The following CTNNA2 variants were observed in gnomAD, a reference collection of about 807,000 sequenced individuals.
CTNNA2 encodes the protein catenin alpha-2.
In CTNNA2, 42 loss-of-function variants were observed where a neutral mutation model predicts 101.0. The observed-to-expected ratio is 0.42, with a 90% confidence interval of 0.32 to 0.54. The LOEUF is 0.54. Ranked by LOEUF, CTNNA2 falls within the 20% of genes least tolerant of loss-of-function variation. The probability of loss-of-function intolerance (pLI) is 0.14; values close to 1 mark genes in which losing one functional copy is unlikely to be tolerated. For synonymous variants in CTNNA2, 450 were observed against 456.4 expected (o/e 0.99, Z 0.18); for missense variants, 871 against 1,223.1 (o/e 0.71, Z 4.29).
chr2:79,201,943 C>T (rs1024004464), intron 2 of CTNNA2, among the ~76,000 whole-genome samples: 5 of 152,136 alleles, frequency 3.3e-5, no homozygotes, highest in Admixed American at 6.6e-5. Context: ...AGACATGAGA[C>T]ATCATTCCAT....
At chr2:79,548,036 C>T (rs1309874460) in intron 1 of CTNNA2, 3 of 152,210 alleles carry the variant, frequency 2.0e-5, no homozygotes, top group Admixed American at 2.0e-4. Flanking sequence ...AAGGGATGTA[C>T]TATAAGTAAG....
chr2:80,602,210 T>C (rs536149024), intron 15 of CTNNA2: 4 of 152,194 alleles, frequency 2.6e-5, no homozygotes, highest in African/African-American at 9.6e-5. Flanking sequence ...TTTCCTAACA[T>C]ACTAGTAAGT....
intron 7 of CTNNA2, among the ~76,000 whole-genome samples, chr2:80,369,843 T>G (rs901939458): frequency 2.0e-5 from 3 of 152,102 alleles, no homozygotes; most frequent in Non-Finnish European, 4.4e-5. Flanking sequence ...GTGGGCTGTT[T>G]CCAGAAGCAG....
At chr2:79,219,425 G>A (rs1674313194) in intron 2 of CTNNA2, among the ~76,000 whole-genome samples, 1 of 152,126 alleles carries the variant, frequency 6.6e-6, no homozygotes, top group South Asian at 2.1e-4. Flanking sequence ...TTGATATGTG[G>A]CTGGTGCAAC....
intron 18 of CTNNA2, among the ~76,000 whole-genome samples, chr2:80,634,535 G>T (rs1478855454): frequency 1.4e-5 from 2 of 146,548 alleles, no homozygotes; most frequent in Non-Finnish European, 3.0e-5. Context: ...CATTTTGATA[G>T]ATTTGGATTT....
At chr2:79,631,340 T>C (rs915352369) in intron 1 of CTNNA2, among the ~76,000 whole-genome samples, 4 of 152,200 alleles carry the variant, frequency 2.6e-5, no homozygotes, top group Admixed American at 2.0e-4. Context: ...AACTGAGGAA[T>C]ATTTTACACT....
chr2:79,628,638 C>A (rs1035192685), intron 1 of CTNNA2, among the ~76,000 whole-genome samples: 5 of 152,130 alleles, frequency 3.3e-5, no homozygotes, highest in Non-Finnish European at 7.3e-5. Flanking sequence ...ATGATTCCTG[C>A]TGATTTCTAA....
At chr2:79,204,787 G>A (rs1279892890) in intron 2 of CTNNA2, among the ~76,000 whole-genome samples, 2 of 152,188 alleles carry the variant, frequency 1.3e-5, no homozygotes, top group African/African-American at 2.4e-5. Context: ...CCAGAGAAAA[G>A]AAATGCTACG....
chr2:79,992,024 A>G (rs489974), intron 7 of CTNNA2, among the ~76,000 whole-genome samples: 142,487 of 152,272 alleles, frequency 0.94, 66,852 homozygotes, highest in African/African-American at 0.98. Flanking sequence ...CAATCTTGGT[A>G]TCAGTGACGG....
rs555604920 is a variant in CTNNA2 at position 79,460,666 on chromosome 2, C to G, written c.-134-44388C>G. Reference sequence around the variant, plus strand: ...CTACTCTCCTTATGTCTGGGCTTGGCCAGCACAACACCAGACTTTTAATGG... The same window carrying G: ...CTACTCTCCTTATGTCTGGGCTTGGGCAGCACAACACCAGACTTTTAATGG... On this transcript the variant is annotated intron_variant, in intron 4 of 21. Coordinates refer to the CTNNA2 transcript ENST00000466387. 2.6e-5 allele frequency among the ~76,000 whole-genome samples: 4 copies of G among 152,172 alleles called. No homozygotes were observed. The East Asian group carries it at 5.8e-4, about 22-fold the overall frequency.
At chr2:80,295,087 C>A (rs1675623135) in intron 7 of CTNNA2, among the ~76,000 whole-genome samples, 1 of 152,014 alleles carries the variant, frequency 6.6e-6, no homozygotes, top group East Asian at 1.9e-4. Context: ...TCCCACCTTG[C>A]CTTTTTTTCT....
intron 15 of CTNNA2, among the ~76,000 whole-genome samples, chr2:80,598,981 T>C (rs904593177): frequency 1.3e-5 from 2 of 152,106 alleles, no homozygotes; most frequent in Non-Finnish European, 2.9e-5. Flanking sequence ...GCATAAAAAA[T>C]AGTGAAAGAT....
chr2:79,828,001 T>C (rs1678576653), intron 3 of CTNNA2, among the ~76,000 whole-genome samples: 1 of 152,240 alleles, frequency 6.6e-6, no homozygotes, highest in African/African-American at 2.4e-5. Flanking sequence ...CTGTCTCTTA[T>C]GCATTCTTTT....
chr2:80,514,117 T>C (rs1688918505), intron 9 of CTNNA2, among the ~76,000 whole-genome samples: 2 of 152,212 alleles, frequency 1.3e-5, no homozygotes, highest in African/African-American at 2.4e-5. Context: ...TTAGGTAACC[T>C]GGTTTATTGA....
chr2:80,147,971 G>C (rs1246148890), intron 7 of CTNNA2, among the ~76,000 whole-genome samples: 2 of 152,198 alleles, frequency 1.3e-5, no homozygotes, highest in African/African-American at 2.4e-5. Context: ...ATGTCTAACA[G>C]TTACACTGAA....
intron 7 of CTNNA2, among the ~76,000 whole-genome samples, chr2:80,172,881 C>T (rs996435120): frequency 1.1e-4 from 16 of 152,174 alleles, no homozygotes; most frequent in African/African-American, 3.6e-4. Flanking sequence ...AAACACTGGC[C>T]ATATTGGATT....
intron 7 of CTNNA2, among the ~76,000 whole-genome samples, chr2:80,200,155 AAAAG>A (rs1482677286): frequency 2.6e-5 from 4 of 152,212 alleles, no homozygotes; most frequent in African/African-American, 7.2e-5. Flanking sequence ...GACCCTTGAG[AAAAG>A]AAAGAAAGAA....
intron 1 of CTNNA2, among the ~76,000 whole-genome samples, chr2:79,580,345 G>T (rs1358564952): frequency 2.6e-5 from 4 of 152,146 alleles, no homozygotes; most frequent in Non-Finnish European, 5.9e-5. Context: ...CTTTGAGTTG[G>T]AAAAGGGCTG....
chr2:79,661,564 T>C (rs990546230), intron 2 of CTNNA2, among the ~76,000 whole-genome samples: 1 of 152,224 alleles, frequency 6.6e-6, no homozygotes, highest in Non-Finnish European at 1.5e-5. Context: ...CTCTTATTCC[T>C]CTTACAAGTT....
Sources: allele counts gnomAD v4.1 joint callset (sites outside exome capture counted in the v4.1 genomes callset), GRCh38; gene constraint gnomAD v4.1.1; transcripts MANE v1.5; gene names NCBI Gene and HGNC (gene_info 2026-07-23, HGNC 2026-07-21).